Variants in DCC observed in about 807,000 individuals in gnomAD.
DCC encodes netrin receptor DCC.
Under a neutral mutation model 172.5 loss-of-function variants are expected in DCC, and 58 were observed. That is an observed-to-expected ratio of 0.34 (90% confidence interval 0.27 to 0.42). DCC has a LOEUF of 0.42. DCC is among the 10% of genes least tolerant of loss of function. The probability of loss-of-function intolerance (pLI) is 1.00; values close to 1 mark genes in which losing one functional copy is unlikely to be tolerated. For missense variants in DCC, 1,740 were observed against 1,791.0 expected, an observed-to-expected ratio of 0.97 and a Z score of 0.51; for synonymous variants, 709 against 644.5, an observed-to-expected ratio of 1.10 and a Z score of -1.52.
intron 27 of DCC, among the ~76,000 whole-genome samples, chr18:53,505,823 G>C (rs770864892): frequency 2.0e-5 from 3 of 152,122 alleles, no homozygotes; most frequent in Non-Finnish European, 4.4e-5. Flanking sequence ...AGGAAAGGTG[G>C]GCAGTAGGTT....
intron 2 of DCC, among the ~76,000 whole-genome samples, chr18:52,799,494 G>T (rs1191076768): frequency 2.0e-5 from 3 of 152,158 alleles, no homozygotes; most frequent in Admixed American, 6.5e-5. Context: ...CTACAATTGG[G>T]CAAAATCAAA....
chr18:53,238,875 T>C (rs2144632242), intron 12 of DCC, among the ~76,000 whole-genome samples: 1 of 152,286 alleles, frequency 6.6e-6, no homozygotes, highest in Non-Finnish European at 1.5e-5. Context: ...ATGTCTGTTA[T>C]GTGTCATGTA....
At chr18:53,314,282 T>TA (rs1443555549) in intron 13 of DCC, among the ~76,000 whole-genome samples, 1 of 152,078 alleles carries the variant, frequency 6.6e-6, no homozygotes, top group Non-Finnish European at 1.5e-5. Flanking sequence ...TACTTGGGTA[T>TA]AAAAAAAGGA....
chr18:53,074,943 A>G (rs1239790734), intron 7 of DCC, among the ~76,000 whole-genome samples: 5 of 152,226 alleles, frequency 3.3e-5, no homozygotes, highest in Non-Finnish European at 7.3e-5. Context: ...GATTTAGTGC[A>G]ATAAATGTTT....
At chr18:53,293,387 C>A (rs980804732) in intron 12 of DCC, among the ~76,000 whole-genome samples, 1 of 152,154 alleles carries the variant, frequency 6.6e-6, no homozygotes, top group African/African-American at 2.4e-5. Context: ...AAGAAGACCT[C>A]CAACATGTTT....
At chr18:52,446,088 G>A (rs185633551) in intron 1 of DCC, among the ~76,000 whole-genome samples, 7 of 152,112 alleles carry the variant, frequency 4.6e-5, no homozygotes, top group East Asian at 1.9e-4. Context: ...GCCCGCCACC[G>A]CACCCCGCTA....
intron 5 of DCC, among the ~76,000 whole-genome samples, chr18:53,000,658 C>T (rs561633357): frequency 4.6e-4 from 64 of 140,288 alleles, no homozygotes; most frequent in Non-Finnish European, 8.6e-4. Context: ...GGAACTCAGT[C>T]AGAGCCAGTC....
intron 12 of DCC, among the ~76,000 whole-genome samples, chr18:53,298,991 A>T (rs996428128): frequency 6.6e-6 from 1 of 152,162 alleles, no homozygotes; most frequent in Admixed American, 6.5e-5. Context: ...TTGTAAAATC[A>T]TCAATGGTGA....
intron 21 of DCC, among the ~76,000 whole-genome samples, chr18:53,431,388 G>A (rs527340088): frequency 5.3e-5 from 8 of 151,106 alleles, no homozygotes; most frequent in Non-Finnish European, 1.0e-4. Flanking sequence ...TTGTGTTATT[G>A]AGAAAATATG....
intron 1 of DCC, among the ~76,000 whole-genome samples, chr18:52,519,513 A>T (rs2031742824): frequency 6.6e-6 from 1 of 152,210 alleles, no homozygotes; most frequent in African/African-American, 2.4e-5. Context: ...TAGCTTTACT[A>T]GTTAGGATAT....
intron 1 of DCC, among the ~76,000 whole-genome samples, chr18:52,495,372 C>T (rs1236310916): frequency 6.6e-6 from 1 of 152,062 alleles, no homozygotes; most frequent in Non-Finnish European, 1.5e-5. Context: ...ATAGTCTCTG[C>T]CCAAGTGAAG....
At chr18:52,610,171 AAAAAAAAATATATATATATATATATAT>A (rs1568254136) in intron 1 of DCC, among the ~76,000 whole-genome samples, 4 of 24,886 alleles carry the variant, frequency 1.6e-4, no homozygotes, top group Non-Finnish European at 2.8e-4. Flanking sequence ...AAAAAAAAAA[AAAAAAAAATATATATATATATATATAT>A]ATATATATAT....
intron 12 of DCC, among the ~76,000 whole-genome samples, chr18:53,244,422 A>G (rs559731477): frequency 6.6e-6 from 1 of 152,298 alleles, no homozygotes; most frequent in African/African-American, 2.4e-5. Context: ...GTTATGGAAC[A>G]TACCACCTTA....
At chr18:52,347,860 TATG>T (rs1983946534) in intron 1 of DCC, among the ~76,000 whole-genome samples, 1 of 152,170 alleles carries the variant, frequency 6.6e-6, no homozygotes, top group Non-Finnish European at 1.5e-5. Flanking sequence ...TTATTTAAAT[TATG>T]AACTGTACTA....
chr18:53,325,479 ACT>A (rs1224522589), intron 14 of DCC, among the ~76,000 whole-genome samples: 2 of 152,158 alleles, frequency 1.3e-5, no homozygotes, highest in Non-Finnish European at 2.9e-5. Flanking sequence ...CTTTTTCCTG[ACT>A]CTGAATGAGT....
At chr18:53,161,750 T>A (rs1240609755) in intron 8 of DCC, among the ~76,000 whole-genome samples, 1 of 152,194 alleles carries the variant, frequency 6.6e-6, no homozygotes, top group Non-Finnish European at 1.5e-5. Context: ...GCCAAAATCT[T>A]TGAAATAATT....
At chr18:53,108,794 G>A (rs749075983) in intron 7 of DCC, among the ~76,000 whole-genome samples, 13 of 151,652 alleles carry the variant, frequency 8.6e-5, no homozygotes, top group Middle Eastern at 6.8e-3. Context: ...GTGTTTCATG[G>A]TATCAGTATA....
Position 52,465,011 on chromosome 18 carries a change from C to G in DCC, c.91+124133C>G, listed in dbSNP as rs74352514. 3.8e-3 allele frequency among the ~76,000 whole-genome samples: 579 copies of G among 152,120 alleles called. 3 individuals are homozygous for G. In the East Asian group the frequency reaches 0.041, roughly 11 times the overall value. On this transcript the variant is annotated intron_variant, in intron 1 of 28. Coordinates refer to ENST00000442544, the MANE Select transcript of DCC (RefSeq NM_005215.4). ...TTTGGTCTGAGCATTAATTTGACAGCAAGATATTATTCTTTAGGGCTAGGT... is the reference window on the plus strand; with the variant it reads ...TTTGGTCTGAGCATTAATTTGACAGGAAGATATTATTCTTTAGGGCTAGGT...
At chr18:53,318,489 CT>C (rs1298096705) in intron 13 of DCC, among the ~76,000 whole-genome samples, 4 of 152,112 alleles carry the variant, frequency 2.6e-5, no homozygotes, top group African/African-American at 9.7e-5. Flanking sequence ...CTGTAGATGT[CT>C]GTTAGGTCCT....
Sources: gnomAD v4.1 joint callset for allele counts (sites outside exome capture counted in the v4.1 genomes callset) on GRCh38, gnomAD v4.1.1 for gene constraint, MANE v1.5 for transcripts, NCBI Gene and HGNC (gene_info 2026-07-23, HGNC 2026-07-21) for gene names.